Variants in SNX12 observed in about 807,000 individuals in gnomAD.
SNX12 encodes sorting nexin-12.
For synonymous variants in SNX12, 47 were observed against 56.0 expected (o/e 0.84, Z 0.71); for missense variants, 62 against 141.3 (o/e 0.44, Z 2.84).
chrX:71,061,312 C>T (rs1208672751), intron 3 of SNX12, among the ~76,000 whole-genome samples, 194 bp from the exon 4 acceptor site: 2 of 111,242 alleles, frequency 1.8e-5, no homozygotes, highest in Non-Finnish European at 3.8e-5. Context: ...CAGGGAAATC[C>T]CTAGATATAA....
Position 71,060,887 on chromosome X carries a change from C to G in SNX12, c.*129G>C. On this transcript the variant is annotated 3_prime_UTR_variant, in exon 4 of 4. Coordinates refer to ENST00000374274, the MANE Select transcript of SNX12 (RefSeq NM_013346.4). ...CATGGTGTAGTCAGGTACCAGGGAGCACAATGCCAGACAGTCTATCAGGCC... is the reference window on the plus strand; with the variant it reads ...CATGGTGTAGTCAGGTACCAGGGAGGACAATGCCAGACAGTCTATCAGGCC... The G allele has an allele frequency of 4.4e-6, 2 of 458,323 alleles. No individual in the cohort carries two copies. The highest frequency in any genetic ancestry group is 7.7e-6 in the Non-Finnish European group (2 of 258,838). The allele number at this position is 458,323 out of a possible 1,213,427, so 37.8% of individuals were successfully genotyped here. A position where few individuals can be genotyped will look rare whatever the true frequency, so the allele number is the denominator to read the frequency against.
At chrX:71,068,397 A>G, upstream of SNX12, 5 of 793,603 alleles carry the variant, frequency 6.3e-6, no homozygotes, top group Non-Finnish European at 8.7e-6. Context: ...CTTGCAAAAT[A>G]ACTAGCCAAC....
chrX:71,066,167 T>C (rs1185693398), intron 1 of SNX12, among the ~76,000 whole-genome samples: 21 of 112,353 alleles, frequency 1.9e-4, no homozygotes, highest in Non-Finnish European at 1.9e-5. Flanking sequence ...GGCAAGTTAC[T>C]TAAACTGCAT....
upstream of SNX12, among the ~76,000 whole-genome samples, chrX:71,071,990 GCTCA>G (rs1337268638): frequency 2.2e-4 from 24 of 110,383 alleles, no homozygotes; most frequent in Non-Finnish European, 4.2e-4. Flanking sequence ...GGGCACGGTG[GCTCA>G]CGCCTGTAAT....
At chrX:71,063,391 T>C (rs2092139482) in intron 1 of SNX12, among the ~76,000 whole-genome samples, 1 of 107,771 alleles carries the variant, frequency 9.3e-6, no homozygotes, top group Non-Finnish European at 1.9e-5. Flanking sequence ...CAGCAACTTG[T>C]GAGGCTGAGG....
chrX:71,066,371 C>T (rs2092153304), intron 1 of SNX12, among the ~76,000 whole-genome samples: 1 of 111,516 alleles, frequency 9.0e-6, no homozygotes, highest in African/African-American at 3.3e-5. Context: ...AGGAGGATCA[C>T]TTGCGGTCAG....
At chrX:71,065,164 G>A (rs780526621) in intron 1 of SNX12, among the ~76,000 whole-genome samples, 80 of 110,576 alleles carry the variant, frequency 7.2e-4, no homozygotes, top group Non-Finnish European at 1.3e-3. Context: ...GAGGTCAGGA[G>A]TTCGAGACCA....
intron 1 of SNX12, 82 bp from the exon 2 acceptor site, chrX:71,063,031 C>A: frequency 1.6e-6 from 1 of 610,300 alleles, no homozygotes; most frequent in South Asian, 2.4e-5. Context: ...TTGGACAGGT[C>A]CCAATGAAGA....
rs184299094 is a variant in SNX12 at position 71,059,404 on chromosome X, C to T, written c.*1612G>A. On this transcript the variant is annotated 3_prime_UTR_variant, in exon 4 of 4. Transcript: ENST00000374274. ...ACTTGTGCACAATGAAAGAGGAAATCGTTTTTAAAAAATGTCTATAACAGA... is the reference window on the plus strand; with the variant it reads ...ACTTGTGCACAATGAAAGAGGAAATTGTTTTTAAAAAATGTCTATAACAGA... The T allele has an allele frequency of 5.4e-5, 6 of 111,452 alleles. No individual in the cohort carries two copies. The highest frequency in any genetic ancestry group is 9.6e-5 in the Admixed American group (1 of 10,448). 9.2% of individuals were successfully genotyped at this position (111,452 alleles called of 1,213,427 possible). A position where few individuals can be genotyped will look rare whatever the true frequency, so the allele number is the denominator to read the frequency against.
In SNX12 at chrX:71,060,908, A is replaced by G. The variant is rs1450156855; in HGVS notation, c.*108T>C. 3.6e-6 allele frequency: 2 copies of G among 560,209 alleles called. No individual in the cohort carries two copies. Among genetic ancestry groups the G allele is most frequent in the Non-Finnish European group, 6.1e-6 (2 of 329,727 alleles). 46.2% of individuals were successfully genotyped at this position (560,209 alleles called of 1,213,427 possible). A position where few individuals can be genotyped will look rare whatever the true frequency, so the allele number is the denominator to read the frequency against. ...GGAGCACAATGCCAGACAGTCTATC[A>G]GGCCAGGAGATGGGCAGCCAACTTC... On this transcript the variant is annotated 3_prime_UTR_variant, in exon 4 of 4. Transcript: ENST00000374274.
chrX:71,062,760 T>C (rs1308606250), intron 2 of SNX12, 94 bp downstream of exon 2: 3 of 552,605 alleles, frequency 5.4e-6, no homozygotes, highest in Non-Finnish European at 6.3e-6. Context: ...ACCCTCTTCA[T>C]TCCCTTCAAG....
Position 71,068,147 on chromosome X carries a change from T to C in SNX12, c.160A>G (p.Met54Val), listed in dbSNP as rs1297134444. 8.8e-7 allele frequency: 1 copy of C among 1,140,664 alleles called. No individual in the cohort carries two copies. The highest frequency in any genetic ancestry group is 1.2e-6 in the Non-Finnish European group (1 of 853,656). The allele number at this position is 1,140,664 out of a possible 1,213,427, so 94.0% of individuals were successfully genotyped here. The change falls in exon 1 of 4, where the codon ATG (methionine) becomes GTG (valine). Residue 54 changes from methionine to valine, a missense_variant. Physicochemically the swap from Met to Val is conservative, Grantham distance 21 (BLOSUM62 1). Transcript: ENST00000374274. ...TCCCTCACCCCGTGACTCACCCGCA[T>C]GCGAACCTCATAGGTGGTGAAGCGC... ...RARFTTYEVR[M>V]RTNLPIFKLK...
At chrX:71,065,947 C>A (rs1364040890) in intron 1 of SNX12, among the ~76,000 whole-genome samples, 2 of 109,526 alleles carry the variant, frequency 1.8e-5, no homozygotes, top group Non-Finnish European at 3.8e-5. Flanking sequence ...CCACTGCACT[C>A]CAGCCTGGGT....
At chrX:71,068,350 C>T, upstream of SNX12, 1 of 1,100,178 alleles carries the variant, frequency 9.1e-7, no homozygotes, top group South Asian at 2.0e-5. Context: ...GGGTGGGGGA[C>T]AGAGGCCTGA....
chrX:71,068,881 A>T (rs1195309959), upstream of SNX12, among the ~76,000 whole-genome samples: 1 of 112,060 alleles, frequency 8.9e-6, no homozygotes, highest in South Asian at 3.7e-4. Flanking sequence ...CGCACTCAGC[A>T]CTACGTATGG....
At chrX:71,065,433 C>T (rs775213780) in intron 1 of SNX12, among the ~76,000 whole-genome samples, 1 of 106,036 alleles carries the variant, frequency 9.4e-6, no homozygotes, top group Non-Finnish European at 1.9e-5. Context: ...CTTTGGGAGA[C>T]TGAGGTGGAT....
chrX:71,072,228 A>T (rs2092175908), upstream of SNX12, among the ~76,000 whole-genome samples: 1 of 107,607 alleles, frequency 9.3e-6, no homozygotes, highest in Non-Finnish European at 1.9e-5. Flanking sequence ...ACTGCACTCC[A>T]GCCAGGGCAA....
At chrX:71,068,438 C>A, upstream of SNX12, 1 of 475,674 alleles carries the variant, frequency 2.1e-6, no homozygotes, top group African/African-American at 2.5e-5. Flanking sequence ...CACGCGCGCC[C>A]ACGCACGCAC....
intron 2 of SNX12, among the ~76,000 whole-genome samples, chrX:71,062,294 A>G (rs780050345): frequency 9.0e-6 from 1 of 110,732 alleles, no homozygotes; most frequent in African/African-American, 3.3e-5. Flanking sequence ...TACAGGAATT[A>G]AGTTGTACAA....
Sources: gnomAD v4.1 joint callset for allele counts (sites outside exome capture counted in the v4.1 genomes callset) on GRCh38, gnomAD v4.1.1 for gene constraint, MANE v1.5 for transcripts, NCBI Gene and HGNC (gene_info 2026-07-23, HGNC 2026-07-21) for gene names.